Variants in EIF4G2 observed in about 807,000 individuals in gnomAD.
EIF4G2 encodes the protein DAP-5.
A neutral mutation model predicts 117.7 loss-of-function variants in EIF4G2; 8 were observed. The observed-to-expected ratio is 0.07, with a 90% confidence interval of 0.04 to 0.12. EIF4G2 has a LOEUF of 0.12. Among genes scored for constraint, EIF4G2 ranks in the 10% least tolerant of loss-of-function variants. EIF4G2 has a pLI of 1.00. For synonymous variants in EIF4G2, 413 were observed against 367.8 expected (o/e 1.12, Z -1.41); for missense variants, 812 against 1,086.2 (o/e 0.75, Z 3.55).
chr11:10,807,271 C>T lies in EIF4G2; in HGVS notation c.25G>A (p.Gly9Ser). ...TACAAGTACCTGAAACGAGAAGCAC[C>T]CCCTTCTGCAATCGCACTCTCCACT... The change falls in exon 2 of 22, where the codon GGT becomes AGT. Residue 9 changes from glycine (G) to serine (S), a missense_variant. Coordinates refer to ENST00000339995, the MANE Select transcript of EIF4G2 (RefSeq NM_001418.4). 2 of 1,611,794 alleles carry T rather than the reference C, an allele frequency of 1.2e-6. No homozygotes were observed. Among genetic ancestry groups the T allele is most frequent in the Non-Finnish European group, 1.7e-6 (2 of 1,179,418 alleles).
intron 3 of EIF4G2, 111 bp downstream of exon 3, chr11:10,806,709 G>T: frequency 1.7e-6 from 2 of 1,179,712 alleles, no homozygotes; most frequent in African/African-American, 1.5e-5. Context: ...CAGAAACCAC[G>T]CCCCTTAAGA....
chr11:10,799,258 G>C lies in EIF4G2; in HGVS notation c.2491C>G (p.Leu831Val), dbSNP rs1847350863. 1 of 1,614,048 alleles carries C rather than the reference G, an allele frequency of 6.2e-7. No individual in the cohort carries two copies. The highest frequency in any genetic ancestry group is 1.3e-5 in the African/African-American group (1 of 74,930). ...TAGCAGTGCACCTGGAGAGCATACA[G>C]GGCACTGACTTGTAGATCAACGTGA... The change falls in exon 20 of 22, where the codon CTG becomes GTG. Residue 831 changes from leucine to valine, a missense_variant. Transcript: ENST00000339995.
intron 1 of EIF4G2, 34 bp downstream of exon 1, chr11:10,808,671 C>T (rs868660854): frequency 6.4e-5 from 16 of 249,070 alleles, no homozygotes; most frequent in Middle Eastern, 1.7e-3. Flanking sequence ...CATTTTAGAG[C>T]GCTCCACTCG....
In EIF4G2 at chr11:10,803,855, C is replaced by A; in HGVS notation, c.702+44G>T. 6.3e-7 allele frequency: 1 copy of A among 1,583,084 alleles called. No homozygotes were observed. The highest frequency in any genetic ancestry group is 1.1e-5 in the South Asian group (1 of 87,924). On this transcript the variant is annotated intron_variant, in intron 8 of 21. Transcript: ENST00000339995. This position sits in a 1 kb window ranked among gnomAD's most constrained non-coding sequence, Gnocchi z 4.0. ...TAGATGAATAATTGACTCATTTCCT[C>A]CAAACGACTGACTACATTCGCCTAA...
At chr11:10,808,404 C>G in intron 1 of EIF4G2, 1 of 1,254,082 alleles carries the variant, frequency 8.0e-7, no homozygotes, top group Middle Eastern at 2.4e-4. Context: ...GCTCCCTCGC[C>G]GTCCGAGCAC....
chr11:10,806,932 C>T, intron 2 of EIF4G2, 47 bp from the exon 3 acceptor site: 1 of 1,469,916 alleles, frequency 6.8e-7, no homozygotes, highest in Non-Finnish European at 9.0e-7. Flanking sequence ...CTATGTCTCA[C>T]TCAAAAAGAA....
rs1368344788 is a variant in EIF4G2, at chr11:10,806,741, G to A, written c.107+79C>T. 3.4e-6 allele frequency: 5 copies of A among 1,491,944 alleles called. No homozygotes were observed. In the East Asian group the frequency reaches 6.8e-5, roughly 20 times the overall value. 92.4% of individuals were successfully genotyped at this position (1,491,944 alleles called of 1,614,324 possible). ...AAGATTAGGAGTCTTGATGGCTATTGCCTTAATTATACCGTCACATGGGAA... is the reference window on the plus strand; with the variant it reads ...AAGATTAGGAGTCTTGATGGCTATTACCTTAATTATACCGTCACATGGGAA... On this transcript the variant is annotated intron_variant, in intron 3 of 21. Coordinates refer to ENST00000339995, the MANE Select transcript of EIF4G2 (RefSeq NM_001418.4).
Position 10,808,697 on chromosome 11 carries a change from C to T in EIF4G2, c.-87+8G>A, listed in dbSNP as rs1038772964. 3.4e-5 allele frequency: 7 copies of T among 204,334 alleles called. No individual in the cohort carries two copies. Among genetic ancestry groups the T allele is most frequent in the African/African-American group, 9.6e-5 (4 of 41,622 alleles). 12.7% of individuals were successfully genotyped at this position (204,334 alleles called of 1,614,324 possible). ...GCTCCACTCGGCGGCGGCAGCGGCT[C>T]AACTCACCTTCACCGAGAACTCAGC... On this transcript the variant is annotated splice_region_variant and intron_variant, in intron 1 of 21. Transcript: ENST00000339995.
At chr11:10,798,850 AGTGCAGAATGAAAT>A in intron 21 of EIF4G2, 128 bp downstream of exon 21, 1 of 952,716 alleles carries the variant, frequency 1.0e-6, no homozygotes, top group Non-Finnish European at 1.6e-6. Context: ...AGCTTCAAAT[AGTGCAGAATGAAAT>A]GTACAGGTGA....
intron 3 of EIF4G2, 25 bp downstream of exon 3, chr11:10,806,795 C>G: frequency 6.2e-7 from 1 of 1,611,622 alleles, no homozygotes; most frequent in Non-Finnish European, 8.5e-7. Context: ...ATAAAGCTCA[C>G]TGTTTTTTTA....
Position 10,799,072 on chromosome 11 carries a change from T to C in EIF4G2, c.2578A>G (p.Ile860Val), listed in dbSNP as rs1847343884. The C allele has an allele frequency of 6.2e-7, 1 of 1,610,854 alleles. No individual in the cohort carries two copies. Among genetic ancestry groups the C allele is most frequent in the Admixed American group, 1.7e-5 (1 of 59,428 alleles). The change falls in exon 21 of 22, where the codon ATT becomes GTT. Residue 860 changes from isoleucine to valine, a missense_variant. Physicochemically the swap from Ile to Val is conservative, Grantham distance 29 (BLOSUM62 3). This residue lies in a region of EIF4G2 where 571 missense variants were observed against 642.3 expected (regional missense o/e 0.89). Coordinates refer to ENST00000339995, the MANE Select transcript of EIF4G2 (RefSeq NM_001418.4). ...GCCAAGAAAGCTTCTTCTTCAATAA[T>C]TTCCATGTCATAGAAGTGCACAAAA...
intron 21 of EIF4G2, among the ~76,000 whole-genome samples, chr11:10,798,423 C>T (rs1210065281): frequency 1.3e-5 from 2 of 152,152 alleles, no homozygotes; most frequent in East Asian, 3.8e-4. Flanking sequence ...GACACAGTCT[C>T]ACTCTGTTGC....
At chr11:10,807,416 C>G (rs543325509) in intron 1 of EIF4G2, 35 bp from the exon 2 acceptor site, 2 of 1,568,980 alleles carry the variant, frequency 1.3e-6, no homozygotes, top group East Asian at 4.5e-5. Context: ...TTAGACACTG[C>G]TAACATACAG....
In EIF4G2 at chr11:10,800,631, T is replaced by G. The variant is rs141188640; in HGVS notation, c.1661A>C (p.Glu554Ala). ...ATTTGCATTTCCACTATTTAGATAT[T>G]CAGTCACAACAGTTTCCTGTGAAGA... Residue 554 changes from glutamate (E) to alanine (A), a missense_variant, in exon 17 of 22, where the codon GAA (glutamate) becomes GCA (alanine). Glu to Ala is a moderately radical substitution (Grantham distance 107). This residue lies in a region of EIF4G2 where 571 missense variants were observed against 642.3 expected (regional missense o/e 0.89). Transcript: ENST00000339995. 1,575 of 1,614,186 alleles carry G rather than the reference T, an allele frequency of 9.8e-4. 1 individual carries two copies. Among genetic ancestry groups the G allele is most frequent in the Non-Finnish European group, 1.3e-3 (1,499 of 1,180,032 alleles).
At chr11:10,800,874 G>A (rs201866675) in intron 15 of EIF4G2, 39 bp from the exon 16 acceptor site, 2 of 1,611,940 alleles carry the variant, frequency 1.2e-6, no homozygotes, top group Non-Finnish European at 8.5e-7. Context: ...TTAAAAAGAG[G>A]ACTATGAAAT....
In EIF4G2 at chr11:10,801,691, A is replaced by T; in HGVS notation, c.1383T>A (p.Phe461Leu). 2 of 1,614,194 alleles carry T rather than the reference A, an allele frequency of 1.2e-6. No homozygotes were observed. Among genetic ancestry groups the T allele is most frequent in the Non-Finnish European group, 1.7e-6 (2 of 1,180,026 alleles). ...CTGCATTAAGCTGTCCTTTCTTAGA[A>T]AACCGAGGTGGCATATCCTTCGACT... Residue 461 changes from phenylalanine to leucine, a missense_variant, in exon 14 of 22, where the codon TTT becomes TTA. Coordinates refer to ENST00000339995, the MANE Select transcript of EIF4G2 (RefSeq NM_001418.4).
intron 1 of EIF4G2, chr11:10,808,247 C>A: frequency 1.7e-6 from 2 of 1,164,838 alleles, no homozygotes; most frequent in South Asian, 1.6e-5. Flanking sequence ...CGACGAAGGG[C>A]AGCCCCTGCC....
At position 10,804,206 on chromosome 11, in the gene EIF4G2, GGAAAA is replaced by G. The variant is rs1322304926; in HGVS notation, c.484-8_484-4del. ...GAAATTAGGAGGCGTCTGAATGTCTGGAAAAGAAGACATTGTCATGCTTTATTAAG... is the reference window on the plus strand; with the variant it reads ...GAAATTAGGAGGCGTCTGAATGTCTGGAAGACATTGTCATGCTTTATTAAG... On this transcript the variant is annotated splice_region_variant and splice_polypyrimidine_tract_variant and intron_variant, in intron 6 of 21. Coordinates refer to ENST00000339995, the MANE Select transcript of EIF4G2 (RefSeq NM_001418.4). The G allele has an allele frequency of 6.2e-7, 1 of 1,613,824 alleles. No homozygotes were observed. Among genetic ancestry groups the G allele is most frequent in the East Asian group, 2.2e-5 (1 of 44,892 alleles).
intron 14 of EIF4G2, 183 bp downstream of exon 14, chr11:10,801,465 ACTTGCCCTCATAT>A: frequency 5.4e-6 from 4 of 738,778 alleles, no homozygotes; most frequent in Non-Finnish European, 9.6e-6. Flanking sequence ...ACTTTAGGAG[ACTTGCCCTCATAT>A]CTCATAATCT....
Sources: gnomAD v4.1 joint callset for allele counts (sites outside exome capture counted in the v4.1 genomes callset) on GRCh38, gnomAD v4.1.1 for gene constraint, gnomAD v4.1.1 regional missense constraint, Gnocchi (gnomAD v3.1) non-coding constraint, MANE v1.5 for transcripts, NCBI Gene and HGNC (gene_info 2026-07-23, HGNC 2026-07-21) for gene names.